The following UNC13C variants were observed in gnomAD, a reference collection of about 807,000 sequenced individuals.
The protein encoded by UNC13C is unc-13 homolog C, also known as protein unc-13 homolog C.
Under a neutral mutation model 245.4 loss-of-function variants are expected in UNC13C, and 174 were observed. The ratio of observed to expected loss-of-function variants is 0.71; its 90% CI spans 0.63 to 0.80. The LOEUF is 0.80. Ranked by LOEUF, UNC13C falls within the 30% of genes least tolerant of loss-of-function variation. The pLI, the probability that UNC13C is intolerant of heterozygous loss-of-function variation, is 0.00. For synonymous variants in UNC13C, 992 were observed against 895.1 expected (o/e 1.11, Z -1.93); for missense variants, 2,829 against 2,602.9 (o/e 1.09, Z -1.89).
chr15:53,997,006 A>G (rs1050082675), intron 1 of UNC13C, among the ~76,000 whole-genome samples: 1 of 152,064 alleles, frequency 6.6e-6, no homozygotes, highest in Non-Finnish European at 1.5e-5. Flanking sequence ...TCCTAAGGTG[A>G]TTTTATTTTA....
chr15:54,523,589 A>T (rs1193041829), intron 24 of UNC13C, among the ~76,000 whole-genome samples: 1 of 152,230 alleles, frequency 6.6e-6, no homozygotes, highest in Non-Finnish European at 1.5e-5. Flanking sequence ...ATAATTCTAT[A>T]AGAAAATAGC....
intron 26 of UNC13C, among the ~76,000 whole-genome samples, chr15:54,540,346 A>G (rs984295816): frequency 1.3e-5 from 2 of 152,044 alleles, no homozygotes; most frequent in African/African-American, 2.4e-5. Context: ...TGAAAATGCG[A>G]TTAATTATAT....
chr15:53,930,283 C>T, the UNC13C span, among the ~76,000 whole-genome samples: 1 of 152,194 alleles, frequency 6.6e-6, no homozygotes, highest in Non-Finnish European at 1.5e-5. Flanking sequence ...TACTACCAGT[C>T]CTCTCAATGT....
chr15:53,876,770 A>G, the UNC13C span, among the ~76,000 whole-genome samples: 64 of 152,332 alleles, frequency 4.2e-4, no homozygotes, highest in Admixed American at 1.6e-3. Flanking sequence ...TGGTATCTTT[A>G]GTCTTTTTAT....
intron 17 of UNC13C, among the ~76,000 whole-genome samples, chr15:54,343,667 G>T (rs967008246): frequency 6.6e-6 from 1 of 151,992 alleles, no homozygotes; most frequent in Non-Finnish European, 1.5e-5. Flanking sequence ...CTTTGTCAAA[G>T]AAAAAATTAT....
intron 10 of UNC13C, among the ~76,000 whole-genome samples, chr15:54,293,038 C>G (rs755629801): frequency 6.6e-6 from 1 of 150,684 alleles, no homozygotes; most frequent in Non-Finnish European, 1.5e-5. Context: ...TATTTTAATC[C>G]AAGTTCAAGA....
chr15:54,503,786 A>G (rs926842826), intron 22 of UNC13C, among the ~76,000 whole-genome samples: 1 of 152,146 alleles, frequency 6.6e-6, no homozygotes, highest in Non-Finnish European at 1.5e-5. Flanking sequence ...ATTTCATCAG[A>G]TGTGACTGAC....
At chr15:53,843,915 A>T in the UNC13C span, among the ~76,000 whole-genome samples, 222 of 152,284 alleles carry the variant, frequency 1.5e-3, no homozygotes, top group Middle Eastern at 6.8e-3. Context: ...AAGTAGAGAT[A>T]ACTCATTGAA....
chr15:54,439,664 AT>A (rs1438418624), intron 19 of UNC13C, among the ~76,000 whole-genome samples: 3 of 151,842 alleles, frequency 2.0e-5, no homozygotes, highest in South Asian at 2.1e-4. Context: ...AATATGTGAT[AT>A]TTGTACATAT....
At position 54,598,329 on chromosome 15, in the gene UNC13C, A is replaced by G. The variant is rs143303245; in HGVS notation, c.6107-23998A>G. ...AGACTGGCCTCCAACTGCTGACCTC[A>G]GGCAATCTGCCCACCTCGGCCTCCC... is the stretch of plus-strand genomic sequence containing the variant. On this transcript the variant is annotated intron_variant, in intron 30 of 32. Transcript: ENST00000260323. 1.0e-3 allele frequency among the ~76,000 whole-genome samples: 152 copies of G among 152,308 alleles called. 1 individual carries two copies. Among genetic ancestry groups the G allele is most frequent in the African/African-American group, 3.3e-3 (139 of 41,572 alleles).
chr15:54,494,953 C>A (rs1453142892), intron 20 of UNC13C, among the ~76,000 whole-genome samples: 2 of 151,870 alleles, frequency 1.3e-5, no homozygotes, highest in African/African-American at 4.8e-5. Context: ...GGATATTCAA[C>A]TCAAAGACAA....
chr15:54,154,727 C>A (rs189795815), intron 4 of UNC13C, among the ~76,000 whole-genome samples: 1 of 152,116 alleles, frequency 6.6e-6, no homozygotes, highest in South Asian at 2.1e-4. Context: ...CCTTCATACA[C>A]GCTGAATCTA....
chr15:54,623,681 G>T (rs541910865), intron 31 of UNC13C, 114 bp from the exon 32 acceptor site: 13 of 890,700 alleles, frequency 1.5e-5, no homozygotes, highest in Non-Finnish European at 2.2e-5. Flanking sequence ...ACAGTGTCTT[G>T]TCAGTGGAGT....
chr15:54,271,334 C>G (rs1012257859), intron 10 of UNC13C, among the ~76,000 whole-genome samples: 14 of 152,170 alleles, frequency 9.2e-5, no homozygotes, highest in African/African-American at 2.9e-4. Context: ...TGCTGGTTAT[C>G]TTTGCTCTTT....
chr15:53,972,656 A>G, the UNC13C span: 1 of 152,234 alleles, frequency 6.6e-6, no homozygotes, highest in Admixed American at 6.5e-5. Context: ...TTTGTGGTCA[A>G]TAATAATTCT....
intron 2 of UNC13C, among the ~76,000 whole-genome samples, chr15:54,132,816 T>C (rs2031509982): frequency 6.6e-6 from 1 of 152,098 alleles, no homozygotes; most frequent in African/African-American, 2.4e-5. Flanking sequence ...CAGTGGGAAA[T>C]TTATACTGTG....
chr15:54,595,593 C>A (rs1451531065), intron 30 of UNC13C, among the ~76,000 whole-genome samples: 1 of 152,220 alleles, frequency 6.6e-6, no homozygotes, highest in East Asian at 1.9e-4. Context: ...TTGTCTTGAT[C>A]CATAAGTAGA....
chr15:54,352,353 T>G (rs114334511), intron 17 of UNC13C, among the ~76,000 whole-genome samples: 37,830 of 133,446 alleles, frequency 0.28, 5,013 homozygotes, highest in Middle Eastern at 0.31. Flanking sequence ...TATATATATA[T>G]AGAGAGAGAG....
chr15:53,856,123 G>T, the UNC13C span, among the ~76,000 whole-genome samples: 3 of 151,936 alleles, frequency 2.0e-5, no homozygotes, highest in Non-Finnish European at 4.4e-5. Flanking sequence ...TTTCTGTGGG[G>T]TCAGTGGTGA....
Sources: gnomAD v4.1 joint callset for allele counts (sites outside exome capture counted in the v4.1 genomes callset) on GRCh38, gnomAD v4.1.1 for gene constraint, MANE v1.5 for transcripts, NCBI Gene and HGNC (gene_info 2026-07-23, HGNC 2026-07-21) for gene names.